BCL2: variants seen among roughly 807,000 people sequenced by gnomAD.
BCL2 encodes apoptosis regulator Bcl-2.
Under a neutral mutation model 14.2 loss-of-function variants are expected in BCL2, and 1 was observed. The observed-to-expected ratio is 0.07, with a 90% CI of 0.02 to 0.33. BCL2 has a LOEUF of 0.33. Ranked by LOEUF, BCL2 falls within the 10% of genes least tolerant of loss-of-function variation. BCL2 has a pLI of 0.99. For synonymous variants in BCL2, 151 were observed against 137.2 expected, an observed-to-expected ratio of 1.10 and a Z score of -0.70; for missense variants, 247 against 305.9, an observed-to-expected ratio of 0.81 and a Z score of 1.44.
rs1568268931 is a variant in BCL2 at position 63,318,737 on chromosome 18, G to A, written c.-71C>T. 2.5e-6 allele frequency: 4 copies of A among 1,600,558 alleles called. No individual in the cohort carries two copies. Among genetic ancestry groups the A allele is most frequent in the African/African-American group, 1.3e-5 (1 of 74,298 alleles). On this transcript the variant is annotated 5_prime_UTR_variant, in exon 2 of 3. Transcript: ENST00000333681. This position sits in a 1 kb window ranked among gnomAD's most constrained non-coding sequence, Gnocchi z 7.4. ...CAGCTCCCACCCCACGGCCCCCAGA[G>A]AAAGAAGAGGAGTTATAATCCAGCT...
intron 2 of BCL2, among the ~76,000 whole-genome samples, chr18:63,277,071 C>A (rs192303148): frequency 6.6e-6 from 1 of 152,270 alleles, no homozygotes; most frequent in Non-Finnish European, 1.5e-5. Flanking sequence ...TCTTTCTCCC[C>A]TGTTGGCATG....
chr18:63,280,151 T>C (rs1912268479), intron 2 of BCL2, among the ~76,000 whole-genome samples: 1 of 152,294 alleles, frequency 6.6e-6, no homozygotes, highest in African/African-American at 2.4e-5. Flanking sequence ...AAATCATAAA[T>C]CAAAAAGATA....
At chr18:63,280,495 C>A (rs1912278811) in intron 2 of BCL2, among the ~76,000 whole-genome samples, 1 of 152,108 alleles carries the variant, frequency 6.6e-6, no homozygotes. Context: ...AACAAAACAA[C>A]CTGATTTTAA....
intron 2 of BCL2, among the ~76,000 whole-genome samples, chr18:63,221,707 G>A (rs1447362062): frequency 6.6e-6 from 1 of 152,188 alleles, no homozygotes; most frequent in Non-Finnish European, 1.5e-5. Flanking sequence ...TGAAAAGGTG[G>A]ACTAAAGCAC....
At chr18:63,303,080 G>C (rs1276692273) in intron 2 of BCL2, among the ~76,000 whole-genome samples, 2 of 152,108 alleles carry the variant, frequency 1.3e-5, no homozygotes, top group Non-Finnish European at 2.9e-5. Flanking sequence ...AAACACTAAG[G>C]TCATGCCTAA....
intron 2 of BCL2, among the ~76,000 whole-genome samples, chr18:63,156,483 C>G (rs1568218322): frequency 6.6e-6 from 1 of 152,094 alleles, no homozygotes; most frequent in African/African-American, 2.4e-5. Flanking sequence ...CCAAATGTCC[C>G]CTGGAAGGCA....
rs530433014 is a variant in BCL2 at position 63,270,195 on chromosome 18, C to T, written c.585+47887G>A. On this transcript the variant is annotated intron_variant, in intron 2 of 2. Coordinates refer to ENST00000333681, the MANE Select transcript of BCL2 (RefSeq NM_000633.3). ...TGGAGGGCAATTTGACAAAATCAAT[C>T]GAAATGATAAATGTACTTACTTTCA... is the stretch of plus-strand genomic sequence containing the variant. 8.5e-5 allele frequency among the ~76,000 whole-genome samples: 13 copies of T among 152,154 alleles called. No homozygotes were observed. In the South Asian group the frequency reaches 1.5e-3, roughly 17 times the overall value.
chr18:63,317,701 G>T, intron 2 of BCL2: 1 of 1,088,520 alleles, frequency 9.2e-7, no homozygotes. Context: ...TGGTTCATAA[G>T]CAGTCCCTGA....
intron 2 of BCL2, among the ~76,000 whole-genome samples, chr18:63,163,455 C>A (rs867115779): frequency 2.8e-4 from 43 of 152,106 alleles, no homozygotes; most frequent in Admixed American, 2.7e-3. Context: ...AGTGCCTAGC[C>A]CTATAACAGC....
intron 2 of BCL2, among the ~76,000 whole-genome samples, chr18:63,137,433 A>C (rs946715812): frequency 6.6e-6 from 1 of 152,238 alleles, no homozygotes; most frequent in African/African-American, 2.4e-5. Flanking sequence ...ATGTTTGTGG[A>C]GCTGAAACAA....
At chr18:63,285,969 C>CAA (rs1449625797) in intron 2 of BCL2, among the ~76,000 whole-genome samples, 1 of 152,234 alleles carries the variant, frequency 6.6e-6, no homozygotes, top group East Asian at 1.9e-4. Flanking sequence ...CCTGTCCTTT[C>CAA]TGCAACAGCA....
chr18:63,175,218 C>G (rs1915325806), intron 2 of BCL2, among the ~76,000 whole-genome samples: 2 of 152,190 alleles, frequency 1.3e-5, no homozygotes, highest in African/African-American at 2.4e-5. Flanking sequence ...TGAATAACTT[C>G]TTTGTTGACC....
chr18:63,214,837 A>G (rs1910153806), intron 2 of BCL2, among the ~76,000 whole-genome samples: 1 of 152,014 alleles, frequency 6.6e-6, no homozygotes, highest in Non-Finnish European at 1.5e-5. Context: ...CAGCCCCCCA[A>G]GTAGCTGGGA....
At chr18:63,228,630 G>A (rs1431133969) in intron 2 of BCL2, among the ~76,000 whole-genome samples, 5 of 151,942 alleles carry the variant, frequency 3.3e-5, no homozygotes, top group African/African-American at 1.2e-4. Context: ...AACAATAAAT[G>A]TTCAATAAAT....
At chr18:63,280,598 T>C (rs1410170012) in intron 2 of BCL2, among the ~76,000 whole-genome samples, 1 of 152,152 alleles carries the variant, frequency 6.6e-6, no homozygotes, top group South Asian at 2.1e-4. Context: ...ACATCATTAA[T>C]CACTAGGAAG....
chr18:63,280,612 C>A (rs1912283322), intron 2 of BCL2, among the ~76,000 whole-genome samples: 1 of 152,072 alleles, frequency 6.6e-6, no homozygotes, highest in Non-Finnish European at 1.5e-5. Flanking sequence ...TAGGAAGATC[C>A]AAATCAAAAC....
At chr18:63,265,627 G>A (rs1911804005) in intron 2 of BCL2, among the ~76,000 whole-genome samples, 1 of 152,032 alleles carries the variant, frequency 6.6e-6, no homozygotes, top group Non-Finnish European at 1.5e-5. Context: ...AAAAAAAACT[G>A]ATAAATCTGA....
chr18:63,308,413 T>C (rs1429431979), intron 2 of BCL2, among the ~76,000 whole-genome samples: 1 of 152,114 alleles, frequency 6.6e-6, no homozygotes, highest in Non-Finnish European at 1.5e-5. Context: ...AATGATGGGG[T>C]GATGAATAAT....
intron 2 of BCL2, among the ~76,000 whole-genome samples, chr18:63,219,383 G>T (rs1910316016): frequency 6.6e-6 from 1 of 150,576 alleles, no homozygotes; most frequent in Non-Finnish European, 1.5e-5. Context: ...AGGTCACAAA[G>T]TTCTGGAGGG....
Sources: gnomAD v4.1 joint callset for allele counts (sites outside exome capture counted in the v4.1 genomes callset) on GRCh38, gnomAD v4.1.1 for gene constraint, Gnocchi (gnomAD v3.1) non-coding constraint, MANE v1.5 for transcripts, NCBI Gene and HGNC (gene_info 2026-07-23, HGNC 2026-07-21) for gene names.